The following BMP5 variants were observed in gnomAD, a reference collection of about 807,000 sequenced individuals.
The protein encoded by BMP5 is bone morphogenetic protein 5.
BMP5 carries 23 observed loss-of-function variants against 46.6 expected under a neutral mutation model. The observed-to-expected ratio is 0.49, with a 90% CI of 0.35 to 0.70. BMP5 has a LOEUF of 0.70. Among genes scored for constraint, BMP5 ranks in the 30% least tolerant of loss-of-function variants. The pLI is 0.00. For synonymous variants in BMP5, 204 were observed against 191.9 expected (o/e 1.06, Z -0.52); for missense variants, 545 against 565.6 (o/e 0.96, Z 0.37).
chr6:55,791,512 TTACTC>T (rs1775571733), intron 3 of BMP5, among the ~76,000 whole-genome samples: 2 of 152,256 alleles, frequency 1.3e-5, no homozygotes, highest in African/African-American at 2.4e-5. Context: ...AAACATTAGT[TTACTC>T]TAGGCTAAAA....
rs1269807334 is a variant in BMP5, at chr6:55,794,397, T to G, written c.714A>C (p.Arg238Ser). Residue 238 changes from arginine (R) to serine (S), a missense_variant, in exon 3 of 7, where the codon AGA (arginine) becomes AGC (serine). Transcript: ENST00000370830. ...RDADLFLLDT[R>S]KAQALDVGWL... ...AACCCACATCTAAAGCTTGGGCCTT[T>G]CTTGTGTCTAACAAGAACAGATCTG... 3 of 1,613,884 alleles carry G rather than the reference T, an allele frequency of 1.9e-6. No individual in the cohort carries two copies. The Admixed American group carries it at 5.0e-5, about 27-fold the overall frequency.
At chr6:55,763,962 A>C (rs1774851070) in intron 4 of BMP5, among the ~76,000 whole-genome samples, 1 of 152,184 alleles carries the variant, frequency 6.6e-6, no homozygotes, top group Non-Finnish European at 1.5e-5. Flanking sequence ...CGTGGAGGTA[A>C]AAGTTGGTAA....
At chr6:55,804,961 T>A (rs1037056660) in intron 2 of BMP5, among the ~76,000 whole-genome samples, 4 of 152,220 alleles carry the variant, frequency 2.6e-5, no homozygotes, top group African/African-American at 7.2e-5. Flanking sequence ...TCTTCTGGAA[T>A]AAGCAAATGC....
intron 2 of BMP5, among the ~76,000 whole-genome samples, chr6:55,795,622 C>A (rs1301573488): frequency 6.6e-6 from 1 of 151,896 alleles, no homozygotes; most frequent in Non-Finnish European, 1.5e-5. Flanking sequence ...ACCATTTTAA[C>A]AAAAACAAAG....
At chr6:55,765,914 C>G (rs1385743585) in intron 4 of BMP5, among the ~76,000 whole-genome samples, 1 of 152,110 alleles carries the variant, frequency 6.6e-6, no homozygotes, top group Non-Finnish European at 1.5e-5. Context: ...ATCCACAAAC[C>G]TGAATTTGCT....
intron 2 of BMP5, among the ~76,000 whole-genome samples, chr6:55,808,534 G>T (rs1365750717): frequency 6.6e-6 from 1 of 152,216 alleles, no homozygotes; most frequent in East Asian, 1.9e-4. Context: ...GGCTTAAGCA[G>T]ATTCTAGCTT....
chr6:55,817,618 G>A (rs1776307874), intron 2 of BMP5, among the ~76,000 whole-genome samples: 2 of 152,020 alleles, frequency 1.3e-5, no homozygotes, highest in African/African-American at 4.8e-5. Context: ...GAGGAGGGGG[G>A]AGGGATAGCA....
chr6:55,828,111 A>T (rs191897876), intron 1 of BMP5, among the ~76,000 whole-genome samples: 18 of 152,020 alleles, frequency 1.2e-4, no homozygotes, highest in Admixed American at 1.2e-3. Context: ...GATAGAGGTT[A>T]CAGTAAGTCT....
intron 1 of BMP5, among the ~76,000 whole-genome samples, chr6:55,864,878 T>C (rs1028989375): frequency 6.6e-6 from 1 of 151,424 alleles, no homozygotes; most frequent in Non-Finnish European, 1.5e-5. Flanking sequence ...CTCAAGATAA[T>C]TAACAAAAAT....
intron 2 of BMP5, among the ~76,000 whole-genome samples, chr6:55,813,387 T>C (rs1200799359): frequency 6.6e-6 from 1 of 151,930 alleles, no homozygotes; most frequent in Non-Finnish European, 1.5e-5. Flanking sequence ...ATCTGTTTTA[T>C]ATATAAATTT....
intron 2 of BMP5, among the ~76,000 whole-genome samples, chr6:55,803,522 A>G (rs1048034560): frequency 4.6e-5 from 7 of 152,158 alleles, no homozygotes; most frequent in Non-Finnish European, 8.8e-5. Context: ...GTGGAATGGA[A>G]GCAGCACCCA....
At chr6:55,780,085 TA>T (rs998436974) in intron 3 of BMP5, among the ~76,000 whole-genome samples, 35 of 149,618 alleles carry the variant, frequency 2.3e-4, no homozygotes, top group African/African-American at 7.1e-4. Context: ...AAGAGTAATC[TA>T]AAAAAAAAGC....
chr6:55,761,112 AAAC>A (rs1447972946), intron 4 of BMP5, among the ~76,000 whole-genome samples: 3 of 151,974 alleles, frequency 2.0e-5, no homozygotes, highest in African/African-American at 7.2e-5. Flanking sequence ...AACCAAAACA[AAAC>A]AACAAGAATC....
chr6:55,807,924 T>C (rs1298290531), intron 2 of BMP5, among the ~76,000 whole-genome samples: 3 of 152,238 alleles, frequency 2.0e-5, no homozygotes, highest in African/African-American at 4.8e-5. Context: ...GGGTGTCTGA[T>C]GATCCCTGTT....
At chr6:55,779,496 G>A (rs922644547) in intron 3 of BMP5, among the ~76,000 whole-genome samples, 1 of 151,798 alleles carries the variant, frequency 6.6e-6, no homozygotes, top group Non-Finnish European at 1.5e-5. Context: ...GTGAAATTAT[G>A]GATTATATGA....
chr6:55,804,433 C>T (rs1775938626), intron 2 of BMP5, among the ~76,000 whole-genome samples: 1 of 152,118 alleles, frequency 6.6e-6, no homozygotes, highest in Admixed American at 6.5e-5. Context: ...CTTACCAATT[C>T]CTTGATTTGG....
intron 2 of BMP5, among the ~76,000 whole-genome samples, chr6:55,805,109 C>A (rs1022639995): frequency 2.0e-5 from 3 of 152,106 alleles, no homozygotes; most frequent in African/African-American, 7.2e-5. Flanking sequence ...GATGAAATCT[C>A]TTTTATCAAG....
chr6:55,772,706 A>T, intron 4 of BMP5: 4 of 961,150 alleles, frequency 4.2e-6, no homozygotes, highest in Non-Finnish European at 3.7e-6. Flanking sequence ...CTTTACTAAA[A>T]GTGGTTAAAT....
chr6:55,764,696 T>C (rs1001165917), intron 4 of BMP5, among the ~76,000 whole-genome samples: 2 of 150,638 alleles, frequency 1.3e-5, no homozygotes, highest in Non-Finnish European at 3.0e-5. Context: ...AAATAACCCC[T>C]GTTCTTAGTC....
Sources: gnomAD v4.1 joint callset for allele counts (sites outside exome capture counted in the v4.1 genomes callset) on GRCh38, gnomAD v4.1.1 for gene constraint, MANE v1.5 for transcripts, NCBI Gene and HGNC (gene_info 2026-07-23, HGNC 2026-07-21) for gene names.